Variants in ICA1 observed in about 807,000 individuals in gnomAD.
ICA1 encodes 69 kDa islet cell autoantigen.
A neutral mutation model predicts 71.0 loss-of-function variants in ICA1; 40 were observed. The observed-to-expected ratio is 0.56, with a 90% CI of 0.44 to 0.73. The LOEUF (loss-of-function observed/expected upper bound fraction) is 0.73, where lower values mean the gene tolerates loss of function less well. Ranked by LOEUF, ICA1 falls within the 30% of genes least tolerant of loss-of-function variation. ICA1 has a pLI of 0.00. For missense variants in ICA1, 578 were observed against 576.5 expected, an observed-to-expected ratio of 1.00 and a Z score of -0.03; for synonymous variants, 207 against 209.5, an observed-to-expected ratio of 0.99 and a Z score of 0.10.
At chr7:8,258,346 T>C (rs889649677) in intron 1 of ICA1, among the ~76,000 whole-genome samples, 1 of 152,220 alleles carries the variant, frequency 6.6e-6, no homozygotes, top group Non-Finnish European at 1.5e-5. Flanking sequence ...GTCAAAGGCC[T>C]GATGGATGAT....
At chr7:8,183,096 A>G (rs1782721451) in intron 6 of ICA1, among the ~76,000 whole-genome samples, 1 of 152,196 alleles carries the variant, frequency 6.6e-6, no homozygotes, top group African/African-American at 2.4e-5. Flanking sequence ...TAAGAGAAGA[A>G]AGTTACAACT....
chr7:8,239,840 G>A (rs1356779179), intron 1 of ICA1, among the ~76,000 whole-genome samples: 1 of 152,256 alleles, frequency 6.6e-6, no homozygotes, highest in Non-Finnish European at 1.5e-5. Flanking sequence ...CAGCCTAGCT[G>A]GGGCAGGGGC....
At chr7:8,258,416 T>C (rs1810994984) in intron 1 of ICA1, among the ~76,000 whole-genome samples, 1 of 152,212 alleles carries the variant, frequency 6.6e-6, no homozygotes, top group Non-Finnish European at 1.5e-5. Context: ...AGGCCATCAT[T>C]TCCCCACCTT....
chr7:8,164,744 A>G (rs10952092), intron 6 of ICA1, among the ~76,000 whole-genome samples: 80,905 of 152,086 alleles, frequency 0.53, 22,334 homozygotes, highest in Middle Eastern at 0.64. Context: ...AAGGTGCCAC[A>G]GGAGAAAGTC....
At chr7:8,258,376 G>A (rs1186459759) in intron 1 of ICA1, among the ~76,000 whole-genome samples, 1 of 152,168 alleles carries the variant, frequency 6.6e-6, no homozygotes, top group Non-Finnish European at 1.5e-5. Context: ...CTTAGCAAGA[G>A]AGACAGATGA....
At chr7:8,247,780 C>T (rs978545623) in intron 1 of ICA1, among the ~76,000 whole-genome samples, 2 of 152,172 alleles carry the variant, frequency 1.3e-5, no homozygotes, top group African/African-American at 4.8e-5. Flanking sequence ...TGCATTTCTT[C>T]AAGGCAGTGA....
At chr7:8,248,602 G>A (rs548143734) in intron 1 of ICA1, among the ~76,000 whole-genome samples, 1 of 152,206 alleles carries the variant, frequency 6.6e-6, no homozygotes, top group Non-Finnish European at 1.5e-5. Flanking sequence ...TGTGGTCCCA[G>A]CTATTCAGGA....
In ICA1 at chr7:8,234,647, T is replaced by C. The variant is rs1381105756; in HGVS notation, c.17+1263A>G. Among the ~76,000 whole-genome samples the C allele has an allele frequency of 6.6e-6, 1 of 152,250 alleles. No individual in the cohort carries two copies. Among genetic ancestry groups the C allele is most frequent in the African/African-American group, 2.4e-5 (1 of 41,474 alleles). ...ATGACTTCCTTAACAATGGTTATCT[T>C]TGGAGAGAGAAGTAGGATTATGGGA... is the stretch of plus-strand genomic sequence containing the variant. On this transcript the variant is annotated intron_variant, in intron 2 of 13. Transcript: ENST00000402384. The surrounding 1 kb of genome is among the most constrained non-coding windows in gnomAD (Gnocchi z 4.5).
intron 1 of ICA1, among the ~76,000 whole-genome samples, chr7:8,242,126 C>T (rs1315101098): frequency 6.6e-6 from 1 of 152,178 alleles, no homozygotes; most frequent in Non-Finnish European, 1.5e-5. Context: ...CTTCTCAGCA[C>T]CACATCACAC....
chr7:8,129,376 TAA>T lies in ICA1; in HGVS notation c.1061-1236_1061-1235del, dbSNP rs1166692977. Among the ~76,000 whole-genome samples, 1,029 of 142,138 alleles carry T rather than the reference TAA, an allele frequency of 7.2e-3. 5 individuals carry two copies. Among genetic ancestry groups the T allele is most frequent in the Middle Eastern group, 0.024 (7 of 292 alleles). The allele number at this position is 142,138 out of a possible 152,430, so 93.2% of individuals were successfully genotyped here. A position where few individuals can be genotyped will look rare whatever the true frequency, so the allele number is the denominator to read the frequency against. The stretch of plus-strand genomic sequence containing the variant: ...AATTAGTAAGTAAAGGCTTTTTTTT[TAA>T]AAAAAAAAAAGTTCTCTGTGTTGGC... On this transcript the variant is annotated intron_variant, in intron 12 of 13. Transcript: ENST00000402384.
chr7:8,143,126 G>A (rs1795779514), intron 9 of ICA1, among the ~76,000 whole-genome samples: 1 of 152,122 alleles, frequency 6.6e-6, no homozygotes, highest in South Asian at 2.1e-4. Context: ...TCCTAGGTCG[G>A]CCAGTTCAAA....
chr7:8,262,101 C>G lies in ICA1; in HGVS notation c.-87G>C, dbSNP rs1054643736. Reference sequence around the variant, plus strand: ...ACCCCGGAGGGCAGGTACCTCGGAGCCCCGGCCCCCAGGAGCCTCCCGGCC... The same window carrying G: ...ACCCCGGAGGGCAGGTACCTCGGAGGCCCGGCCCCCAGGAGCCTCCCGGCC... On this transcript the variant is annotated 5_prime_UTR_variant, in exon 1 of 14. Transcript: ENST00000402384. The G allele has an allele frequency of 9.2e-5, 14 of 152,204 alleles. No individual in the cohort carries two copies. The highest frequency in any genetic ancestry group is 5.9e-4 in the Admixed American group (9 of 15,286). The allele number at this position is 152,204 out of a possible 1,614,324, so 9.4% of individuals were successfully genotyped here.
rs1378638208 is a variant in ICA1, at chr7:8,223,859, C to A, written c.257-2461G>T. 6.6e-6 allele frequency among the ~76,000 whole-genome samples: 1 copy of A among 152,146 alleles called. No individual in the cohort carries two copies. The highest frequency in any genetic ancestry group is 2.4e-5 in the African/African-American group (1 of 41,444). ...GGACTTGAGAATTCAGAGACAAAAACATTTTTATATTTACTTGCTAATTAG... is the reference window on the plus strand; with the variant it reads ...GGACTTGAGAATTCAGAGACAAAAAAATTTTTATATTTACTTGCTAATTAG... On this transcript the variant is annotated intron_variant, in intron 4 of 13. Coordinates refer to ENST00000402384, the MANE Select transcript of ICA1 (RefSeq NM_001136020.3). This position sits in a 1 kb window ranked among gnomAD's most constrained non-coding sequence, Gnocchi z 4.1.
In ICA1 at chr7:8,244,607, CAGA is replaced by C. The variant is rs550372572; in HGVS notation, c.-79-8605_-79-8603del. Among the ~76,000 whole-genome samples, 233 of 152,300 alleles carry C rather than the reference CAGA, an allele frequency of 1.5e-3. 1 individual carries two copies. Among genetic ancestry groups the C allele is most frequent in the African/African-American group, 5.4e-3 (224 of 41,562 alleles). On this transcript the variant is annotated intron_variant, in intron 1 of 13. Coordinates refer to ENST00000402384, the MANE Select transcript of ICA1 (RefSeq NM_001136020.3). ...TCTGCACAGCAAAAGAAACTGCCAT[CAGA>C]GTAAACAGGCAACCTACACAATGGG...
At chr7:8,232,815 T>G in intron 2 of ICA1, 60 bp from the exon 3 acceptor site, 1 of 1,371,380 alleles carries the variant, frequency 7.3e-7, no homozygotes, top group East Asian at 2.5e-5. Context: ...GATATTTTAG[T>G]GTGAAATGAT....
At chr7:8,254,243 C>T (rs1247200504) in intron 1 of ICA1, among the ~76,000 whole-genome samples, 3 of 151,984 alleles carry the variant, frequency 2.0e-5, no homozygotes, top group South Asian at 4.1e-4. Context: ...ATGCTGTGCA[C>T]GGGTCCTGTA....
intron 1 of ICA1, among the ~76,000 whole-genome samples, chr7:8,260,098 T>A (rs1241442779): frequency 6.6e-6 from 1 of 152,192 alleles, no homozygotes; most frequent in African/African-American, 2.4e-5. Context: ...ACTTGGGGCC[T>A]GTTAACTTCC....
intron 6 of ICA1, among the ~76,000 whole-genome samples, chr7:8,164,298 C>T (rs1413473859): frequency 5.2e-5 from 5 of 95,694 alleles, no homozygotes; most frequent in Non-Finnish European, 7.8e-5. Flanking sequence ...AGCGAGACTC[C>T]GTCTCAAAAA....
intron 13 of ICA1, among the ~76,000 whole-genome samples, chr7:8,116,752 C>T (rs967960944): frequency 4.6e-5 from 7 of 152,322 alleles, no homozygotes; most frequent in East Asian, 3.9e-4. Flanking sequence ...CACATCTTCT[C>T]GACTTCCAAT....
Sources: gnomAD v4.1 joint callset for allele counts (sites outside exome capture counted in the v4.1 genomes callset) on GRCh38, gnomAD v4.1.1 for gene constraint, Gnocchi (gnomAD v3.1) non-coding constraint, MANE v1.5 for transcripts, NCBI Gene and HGNC (gene_info 2026-07-23, HGNC 2026-07-21) for gene names.